Variants in MADD observed in about 807,000 individuals in gnomAD.
MADD encodes MAP kinase activating death domain.
Under a neutral mutation model 176.7 loss-of-function variants are expected in MADD, and 109 were observed. The observed-to-expected ratio is 0.62, with a 90% CI of 0.53 to 0.72. The LOEUF is 0.72. MADD is among the 30% of genes least tolerant of loss of function. The pLI is 0.00. For missense variants in MADD, 1,914 were observed against 2,045.5 expected (o/e 0.94, Z 1.24); for synonymous variants, 771 against 771.3 (o/e 1.00, Z 0.01).
At position 47,282,623 on chromosome 11, in the gene MADD, C is replaced by G; in HGVS notation, c.1705+7C>G. 2 of 1,613,202 alleles carry G rather than the reference C, an allele frequency of 1.2e-6. No individual in the cohort carries two copies. Among genetic ancestry groups the G allele is most frequent in the Non-Finnish European group, 1.7e-6 (2 of 1,179,188 alleles). ...TTTCAGCGAATTCACAACAGTGAGT[C>G]TACCTGCCCTCTGCTCCGCTCTGCC... is the stretch of plus-strand genomic sequence containing the variant. On this transcript the variant is annotated splice_region_variant and intron_variant, in intron 9 of 32. Coordinates refer to ENST00000402192, the Ensembl canonical transcript of MADD.
chr11:47,284,339 G>A (rs750825016), intron 11 of MADD, 36 bp from the exon 12 acceptor site: 3 of 1,613,930 alleles, frequency 1.9e-6, no homozygotes, highest in East Asian at 4.5e-5. Flanking sequence ...CCCAAGGATG[G>A]AGTGGTCTGT....
At chr11:47,270,455 C>T (rs1959736653) in intron 1 of MADD, among the ~76,000 whole-genome samples, 2 of 132,794 alleles carry the variant, frequency 1.5e-5, no homozygotes, top group South Asian at 2.5e-4. Flanking sequence ...GCTCAGGCTA[C>T]TGGGCTTGGT....
chr11:47,270,771 T>G (rs1312525833), intron 1 of MADD: 3 of 152,390 alleles, frequency 2.0e-5, no homozygotes, highest in Non-Finnish European at 4.4e-5. Context: ...TCTACCTTCT[T>G]CCACCTTTCC....
At chr11:47,285,333 CCAGGGG>C in intron 13 of MADD, 112 bp from the exon 14 acceptor site, 1 of 1,551,886 alleles carries the variant, frequency 6.4e-7, no homozygotes, top group Non-Finnish European at 8.7e-7. Flanking sequence ...GTGTTCTGAT[CCAGGGG>C]CTTAGGAATT....
Position 47,279,096 on chromosome 11 carries a change from GGAAA to G in MADD, c.1290+23_1290+26del. ...TTAAAGCAGGTAGGTGAAGAACGAAGGAAAGAAAGGGGAGTATTAGATGCTGTGG... is the reference window on the plus strand; with the variant it reads ...TTAAAGCAGGTAGGTGAAGAACGAAGGAAAGGGGAGTATTAGATGCTGTGG... On this transcript the variant is annotated intron_variant, in intron 7 of 32. Coordinates refer to ENST00000402192, the Ensembl canonical transcript of MADD. 1 of 1,610,334 alleles carries G rather than the reference GGAAA, an allele frequency of 6.2e-7. No individual in the cohort carries two copies. The highest frequency in any genetic ancestry group is 8.5e-7 in the Non-Finnish European group (1 of 1,176,944).
intron 10 of MADD, among the ~76,000 whole-genome samples, chr11:47,283,624 C>T (rs757981170): frequency 2.6e-5 from 4 of 151,954 alleles, no homozygotes; most frequent in Non-Finnish European, 4.4e-5. Context: ...CAGGCTAGAG[C>T]GCAGTGGCGT....
At chr11:47,284,887 A>G (rs2059535820) in intron 12 of MADD, 54 bp from the exon 13 acceptor site, 1 of 1,600,712 alleles carries the variant, frequency 6.2e-7, no homozygotes. Context: ...CTGGGATTAC[A>G]GGAAGGTACC....
chr11:47,323,828 C>A, exon 28 of MADD: 1 of 1,614,086 alleles, frequency 6.2e-7, no homozygotes, highest in African/African-American at 1.3e-5. Flanking sequence ...AAGTTCTATA[C>A]TAAAAAGGTA....
chr11:47,284,863 C>T, intron 12 of MADD, 78 bp from the exon 13 acceptor site: 1 of 1,575,194 alleles, frequency 6.3e-7, no homozygotes. Flanking sequence ...CAGGCCTGGT[C>T]CAGCCCTGCC....
chr11:47,311,438 G>A (rs1157119613), intron 25 of MADD, among the ~76,000 whole-genome samples: 1 of 152,198 alleles, frequency 6.6e-6, no homozygotes, highest in African/African-American at 2.4e-5. Context: ...TAGAGCCCTT[G>A]TAGGGGTGAA....
At chr11:47,275,120 T>C (rs1279036551) in exon 3 of MADD, 2 of 1,614,102 alleles carry the variant, frequency 1.2e-6, no homozygotes, top group Non-Finnish European at 1.7e-6. Context: ...AGTGAGCGCC[T>C]TCTGGGCAAG....
intron 5 of MADD, 106 bp from the exon 6 acceptor site, chr11:47,278,059 G>A: frequency 2.6e-6 from 2 of 776,764 alleles, no homozygotes. Context: ...CAAGAGTTTT[G>A]GAAGAGGGAT....
intron 31 of MADD, chr11:47,328,273 T>C: frequency 8.8e-7 from 1 of 1,139,668 alleles, no homozygotes; most frequent in South Asian, 2.5e-5. Context: ...TAGAGAGAGC[T>C]CTCTCCTCCC....
In MADD at chr11:47,309,449, C is replaced by G. The variant is rs111361452; in HGVS notation, c.3872+48C>G. The G allele has an allele frequency of 4.9e-5, 79 of 1,614,010 alleles. 2 individuals are homozygous for G. In the African/African-American group the frequency reaches 7.6e-4, roughly 16 times the overall value. ...GGGAATCAGCAAACTCAGCCTCCTC[C>G]CAGTTAGTTCTGTGGTCTCCCACTT... On this transcript the variant is annotated intron_variant, in intron 24 of 32. Transcript: ENST00000402192.
At chr11:47,324,941 T>C (rs2095242947) in intron 30 of MADD, 1 of 596,342 alleles carries the variant, frequency 1.7e-6, no homozygotes, top group Admixed American at 3.0e-5. Context: ...TTGGTGGTTT[T>C]GCTTTGAGAG....
At chr11:47,290,050 T>C in exon 17 of MADD, 1 of 1,614,004 alleles carries the variant, frequency 6.2e-7, no homozygotes. Flanking sequence ...TCATCCCGGA[T>C]GTGGTCAGTG....
rs568865273 is a variant in MADD at position 47,286,782 on chromosome 11, G to A, written c.2653+248G>A. 9.8e-5 allele frequency among the ~76,000 whole-genome samples: 15 copies of A among 152,294 alleles called. No homozygotes were observed. In the South Asian group the frequency reaches 2.5e-3, roughly 25 times the overall value. ...AACTGTGGGATTACTGCTGCTTCGC[G>A]GGAGGACCCTGTCAGGGTATATGAT... On this transcript the variant is annotated intron_variant, in intron 15 of 32. Coordinates refer to ENST00000402192, the Ensembl canonical transcript of MADD.
chr11:47,273,399 T>G (rs1314991344), intron 1 of MADD, among the ~76,000 whole-genome samples: 1 of 152,018 alleles, frequency 6.6e-6, no homozygotes, highest in Non-Finnish European at 1.5e-5. Context: ...AGTGCAGTGG[T>G]GCGATCTCAG....
intron 15 of MADD, among the ~76,000 whole-genome samples, chr11:47,287,782 A>ATTTTTTTTTTTTTTTTTTTTTTTTTTT: frequency 1.8e-5 from 1 of 55,032 alleles, no homozygotes; most frequent in Non-Finnish European, 3.2e-5. Flanking sequence ...AGAAACATGT[A>ATTTTTTTTTTTTTTTTTTTTTTTTTTT]TTTTTTTTTT....
Sources: allele counts gnomAD v4.1 joint callset (sites outside exome capture counted in the v4.1 genomes callset), GRCh38; gene constraint gnomAD v4.1.1; transcripts MANE v1.5; gene names NCBI Gene and HGNC (gene_info 2026-07-23, HGNC 2026-07-21).